The following KCNK18 variants were observed in gnomAD, a reference collection of about 807,000 sequenced individuals.
KCNK18 encodes the protein potassium channel subfamily K member 18.
In KCNK18, 8 loss-of-function variants were observed where a neutral mutation model predicts 11.8. That is an observed-to-expected ratio of 0.68 (90% confidence interval 0.40 to 1.22). The LOEUF (loss-of-function observed/expected upper bound fraction) is 1.22, where lower values mean the gene tolerates loss of function less well. KCNK18 is among the 50% of genes most tolerant of loss of function. The pLI is 0.01. For synonymous variants in KCNK18, 208 were observed against 185.8 expected (o/e 1.12, Z -0.97); for missense variants, 442 against 465.4 (o/e 0.95, Z 0.46).
At chr10:117,209,440 T>A in intron 2 of KCNK18, 57 bp from the exon 3 acceptor site, 1 of 1,422,368 alleles carries the variant, frequency 7.0e-7, no homozygotes, top group Non-Finnish European at 9.9e-7. Context: ...TTAAAGCTTT[T>A]GGGGGGAAAA....
Position 117,209,466 on chromosome 10 carries a change from T to C in KCNK18, c.353-31T>C, listed in dbSNP as rs772316906. 14 of 1,592,256 alleles carry C rather than the reference T, an allele frequency of 8.8e-6. 1 individual carries two copies. The highest frequency in any genetic ancestry group is 6.7e-5 in the East Asian group (3 of 44,772). On this transcript the variant is annotated intron_variant, in intron 2 of 2. Transcript: ENST00000334549. ...GGGGGGAAAAAGGGAAGGGGCCAGA[T>C]GCAAACTCTAAGCTCCATCTTCTTT...
chr10:117,209,732 T>C lies in KCNK18; in HGVS notation c.588T>C (p.Asp196=), dbSNP rs142298006. 1.5e-4 allele frequency: 245 copies of C among 1,614,016 alleles called. No homozygotes were observed. The highest frequency in any genetic ancestry group is 2.0e-4 in the Non-Finnish European group (238 of 1,180,036). Residue 196 remains aspartate (D), a synonymous_variant, in exon 3 of 3, where the codon GAT becomes GAC. Coordinates refer to ENST00000334549, the MANE Select transcript of KCNK18 (RefSeq NM_181840.1). ...AAAAACCGGACCCCAAGCCCGCAGATGAAGCTGTCCCTCAGATCATCATCA... is the reference window on the plus strand; with the variant it reads ...AAAAACCGGACCCCAAGCCCGCAGACGAAGCTGTCCCTCAGATCATCATCA... The part of the protein sequence containing the change: ...FKKKPDPKPA[D]EAVPQIIISA...
intron 2 of KCNK18, among the ~76,000 whole-genome samples, chr10:117,202,231 G>A (rs363308): frequency 1.3e-5 from 2 of 152,242 alleles, no homozygotes; most frequent in African/African-American, 4.8e-5. Context: ...TGGAGCTGTG[G>A]AATCTCCAGC....
At position 117,197,599 on chromosome 10, in the gene KCNK18, T is replaced by A; in HGVS notation, c.111T>A (p.Gly37=). ...TTCTGGTGACCTACGCCCTGGTGGGTGCTGTGGTCTTCTCTGCCATTGAGG... is the reference window on the plus strand; with the variant it reads ...TTCTGGTGACCTACGCCCTGGTGGGAGCTGTGGTCTTCTCTGCCATTGAGG... ...LCFLVTYALV[G]AVVFSAIEDG... is the part of the protein sequence containing the mutation. The change falls in exon 1 of 3, where the codon GGT becomes GGA. Residue 37 remains glycine, a synonymous_variant. Coordinates refer to ENST00000334549, the MANE Select transcript of KCNK18 (RefSeq NM_181840.1). 1.2e-6 allele frequency: 2 copies of A among 1,614,084 alleles called. No individual in the cohort carries two copies. Among genetic ancestry groups the A allele is most frequent in the Non-Finnish European group, 1.7e-6 (2 of 1,179,966 alleles).
rs1361959366 is a variant in KCNK18, at chr10:117,197,683, CT to C, written c.196del (p.Cys66AlafsTer4). On this transcript the variant is annotated frameshift_variant, in exon 1 of 3. Transcript: ENST00000334549. LOFTEE classifies it high-confidence loss of function. ...AGTTTGAGAAGTTCTTGGAGGAGCT[CT>C]GCAGAATCTTGAACTGCAGTGAAAC... ...GEFEKFLEEL[C>X]RILNCSETVV... is the part of the protein sequence containing the mutation. The C allele has an allele frequency of 6.2e-7, 1 of 1,614,104 alleles. No individual in the cohort carries two copies. Among genetic ancestry groups the C allele is most frequent in the East Asian group, 2.2e-5 (1 of 44,872 alleles).
chr10:117,199,688 G>A (rs1185415072), intron 1 of KCNK18, among the ~76,000 whole-genome samples: 1 of 152,190 alleles, frequency 6.6e-6, no homozygotes, highest in African/African-American at 2.4e-5. Context: ...TCTCTCTGAT[G>A]GGGAAACTGA....
At chr10:117,199,680 T>C (rs1839994900) in intron 1 of KCNK18, among the ~76,000 whole-genome samples, 1 of 152,210 alleles carries the variant, frequency 6.6e-6, no homozygotes, top group Non-Finnish European at 1.5e-5. Flanking sequence ...TCAGGCTGTC[T>C]CTCTGATGGG....
intron 2 of KCNK18, among the ~76,000 whole-genome samples, chr10:117,201,736 C>T (rs560591471): frequency 1.2e-4 from 18 of 152,346 alleles, no homozygotes; most frequent in Non-Finnish European, 2.1e-4. Flanking sequence ...GGTTTACTGG[C>T]CCCTTTAAGG....
At chr10:117,198,643 C>T (rs363351) in intron 1 of KCNK18, among the ~76,000 whole-genome samples, 10,177 of 152,230 alleles carry the variant, frequency 0.067, 557 homozygotes, top group Admixed American at 0.16. Context: ...CACTAAAAGT[C>T]AGGAGAAGAA....
intron 2 of KCNK18, among the ~76,000 whole-genome samples, chr10:117,207,316 A>G (rs574296830): frequency 1.3e-5 from 2 of 152,286 alleles, no homozygotes; most frequent in South Asian, 4.1e-4. Flanking sequence ...GGTGTGAGCC[A>G]TTGCGCATGG....
At chr10:117,207,860 T>C (rs1855093734) in intron 2 of KCNK18, among the ~76,000 whole-genome samples, 1 of 152,210 alleles carries the variant, frequency 6.6e-6, no homozygotes, top group South Asian at 2.1e-4. Flanking sequence ...GCTGGGTTTT[T>C]CTGTATTAAT....
At chr10:117,203,338 T>A (rs1394605620) in intron 2 of KCNK18, among the ~76,000 whole-genome samples, 1 of 152,146 alleles carries the variant, frequency 6.6e-6, no homozygotes, top group Non-Finnish European at 1.5e-5. Context: ...GTGCTGTGAC[T>A]ATCCCATTCC....
chr10:117,210,056 G>A lies in KCNK18; in HGVS notation c.912G>A (p.Trp304Ter). Residue 304 changes from tryptophan to a stop codon, truncating the protein, a stop_gained, in exon 3 of 3, where the codon TGG becomes TGA. Coordinates refer to ENST00000334549, the MANE Select transcript of KCNK18 (RefSeq NM_181840.1). LOFTEE classifies it low-confidence loss of function (END_TRUNC). Reference protein sequence around the residue: ...ISCAAAILPFWETQLDFENAF... With the variant: ...ISCAAAILPF ...GTGCAGCTGCCATCCTCCCCTTCTG[G>A]GAGACACAGTTGGATTTCGAGAATG... 1 of 1,614,098 alleles carries A rather than the reference G, an allele frequency of 6.2e-7. No homozygotes were observed. The highest frequency in any genetic ancestry group is 8.5e-7 in the Non-Finnish European group (1 of 1,180,030).
chr10:117,201,996 G>T (rs928042037), intron 2 of KCNK18, among the ~76,000 whole-genome samples: 3 of 152,236 alleles, frequency 2.0e-5, no homozygotes, highest in African/African-American at 7.2e-5. Flanking sequence ...CGATGGAGCT[G>T]CCTTCAGCCA....
In KCNK18 at chr10:117,197,617, C is replaced by G; in HGVS notation, c.129C>G (p.Ala43=). 6.2e-7 allele frequency: 1 copy of G among 1,614,196 alleles called. No individual in the cohort carries two copies. Reference sequence around the variant, plus strand: ...TGGTGGGTGCTGTGGTCTTCTCTGCCATTGAGGACGGCCAGGTCCTGGTGG... The same window carrying G: ...TGGTGGGTGCTGTGGTCTTCTCTGCGATTGAGGACGGCCAGGTCCTGGTGG... ...YALVGAVVFS[A]IEDGQVLVAA... is the part of the protein sequence containing the mutation. The change falls in exon 1 of 3, where the codon GCC becomes GCG. Residue 43 remains alanine (A), a synonymous_variant. Coordinates refer to ENST00000334549, the MANE Select transcript of KCNK18 (RefSeq NM_181840.1).
rs1589968824 is a variant in KCNK18 at position 117,210,246 on chromosome 10, A to C, written c.1102A>C (p.Asn368His). 6.2e-7 allele frequency: 1 copy of C among 1,614,054 alleles called. No individual in the cohort carries two copies. The highest frequency in any genetic ancestry group is 1.3e-5 in the African/African-American group (1 of 74,938). Reference sequence around the variant, plus strand: ...AAACAGGCTGATTGACATATACAAAAATGTTATGCTATTCTTTGCAAAAGG... The same window carrying C: ...AAACAGGCTGATTGACATATACAAACATGTTATGCTATTCTTTGCAAAAGG... The part of the protein sequence containing the change: ...VQNRLIDIYK[N>H]VMLFFAKGKF... The change falls in exon 3 of 3, where the codon AAT (asparagine) becomes CAT (histidine). Residue 368 changes from asparagine (N) to histidine (H), a missense_variant. By Grantham distance (68) the Asn-to-His change is moderately conservative. Coordinates refer to ENST00000334549, the MANE Select transcript of KCNK18 (RefSeq NM_181840.1).
Position 117,199,601 on chromosome 10 carries a change from T to C in KCNK18, c.224-1558T>C, listed in dbSNP as rs534284572. Among the ~76,000 whole-genome samples the C allele has an allele frequency of 2.0e-5, 3 of 152,322 alleles. No homozygotes were observed. In the South Asian group the frequency reaches 6.2e-4, roughly 32 times the overall value. ...AAGCAATTTGTCCAAGTTCACAAAC[T>C]AGAAAAATGGAACCAGGGACTTAAA... On this transcript the variant is annotated intron_variant, in intron 1 of 2. Coordinates refer to ENST00000334549, the MANE Select transcript of KCNK18 (RefSeq NM_181840.1).
chr10:117,207,855 G>GA (rs1855093716), intron 2 of KCNK18, among the ~76,000 whole-genome samples: 1 of 152,196 alleles, frequency 6.6e-6, no homozygotes, highest in South Asian at 2.1e-4. Context: ...ATTGGGCTGG[G>GA]TTTTTCTGTA....
chr10:117,203,032 C>T (rs1047315333), intron 2 of KCNK18, among the ~76,000 whole-genome samples: 22 of 151,902 alleles, frequency 1.4e-4, no homozygotes, highest in African/African-American at 4.1e-4. Flanking sequence ...TGTACCACCA[C>T]GCTTGGCTAA....
Sources: allele counts gnomAD v4.1 joint callset (sites outside exome capture counted in the v4.1 genomes callset), GRCh38; gene constraint gnomAD v4.1.1; transcripts MANE v1.5; gene names NCBI Gene and HGNC (gene_info 2026-07-23, HGNC 2026-07-21).